The following SUGCT variants were observed in gnomAD, a reference collection of about 807,000 sequenced individuals.
The protein encoded by SUGCT is succinyl-CoA:glutarate CoA-transferase.
A neutral mutation model predicts 55.0 loss-of-function variants in SUGCT; 41 were observed. The ratio of observed to expected loss-of-function variants is 0.74; its 90% CI spans 0.58 to 0.97. SUGCT has a LOEUF of 0.97. Among genes scored for constraint, SUGCT ranks in the 50% least tolerant of loss-of-function variants. SUGCT has a pLI of 0.00. For missense variants in SUGCT, 568 were observed against 547.8 expected (o/e 1.04, Z -0.37); for synonymous variants, 187 against 200.4 (o/e 0.93, Z 0.56).
At chr7:40,567,503 A>G (rs1251059643) in intron 12 of SUGCT, among the ~76,000 whole-genome samples, 1 of 152,146 alleles carries the variant, frequency 6.6e-6, no homozygotes, top group Non-Finnish European at 1.5e-5. Context: ...AGGCCTAGAT[A>G]TTATCTGAAA....
intron 12 of SUGCT, among the ~76,000 whole-genome samples, chr7:40,695,623 A>G (rs1367631911): frequency 2.0e-5 from 3 of 152,218 alleles, no homozygotes; most frequent in African/African-American, 7.2e-5. Context: ...TCATAACTAC[A>G]ATAGCAAATA....
At chr7:40,386,579 G>A (rs1785139727) in intron 9 of SUGCT, among the ~76,000 whole-genome samples, 1 of 152,204 alleles carries the variant, frequency 6.6e-6, no homozygotes. Flanking sequence ...TACGTTGCAG[G>A]ATGTTTTTAG....
At chr7:40,185,109 T>A (rs1320804824) in intron 3 of SUGCT, among the ~76,000 whole-genome samples, 2 of 152,234 alleles carry the variant, frequency 1.3e-5, no homozygotes, top group African/African-American at 4.8e-5. Context: ...ATGCTTTGTT[T>A]ATTCAGCTAA....
chr7:40,376,765 G>T (rs1784568548), intron 9 of SUGCT, among the ~76,000 whole-genome samples: 1 of 147,436 alleles, frequency 6.8e-6, no homozygotes, highest in African/African-American at 2.5e-5. Flanking sequence ...TTTAACAGTT[G>T]CATACTACTC....
intron 9 of SUGCT, among the ~76,000 whole-genome samples, chr7:40,413,043 C>A (rs1218490002): frequency 1.3e-5 from 2 of 152,062 alleles, no homozygotes; most frequent in Non-Finnish European, 2.9e-5. Flanking sequence ...TTATTCCGAT[C>A]TTGTATTTGC....
At chr7:40,958,594 A>C in the SUGCT span, among the ~76,000 whole-genome samples, 6 of 152,038 alleles carry the variant, frequency 3.9e-5, no homozygotes, top group South Asian at 4.2e-4. Flanking sequence ...GCTTCCTTGC[A>C]TTGGGTTAAA....
intron 9 of SUGCT, among the ~76,000 whole-genome samples, chr7:40,337,201 G>T (rs927536459): frequency 6.6e-6 from 1 of 152,218 alleles, no homozygotes; most frequent in Non-Finnish European, 1.5e-5. Context: ...GTGCTATGTG[G>T]TGCTGAGAAG....
At chr7:40,699,000 A>G (rs568954130) in intron 12 of SUGCT, among the ~76,000 whole-genome samples, 1 of 152,204 alleles carries the variant, frequency 6.6e-6, no homozygotes, top group African/African-American at 2.4e-5. Flanking sequence ...TCAATCACAC[A>G]GTCTTTTATG....
chr7:41,020,779 G>A, the SUGCT span, among the ~76,000 whole-genome samples: 1 of 152,164 alleles, frequency 6.6e-6, no homozygotes, highest in Non-Finnish European at 1.5e-5. Context: ...TTCTGGATAA[G>A]TCATAAGACC....
At chr7:40,228,848 A>ATT (rs376224945) in intron 6 of SUGCT, among the ~76,000 whole-genome samples, 25 of 148,514 alleles carry the variant, frequency 1.7e-4, no homozygotes, top group African/African-American at 5.4e-4. Context: ...AGTGATGGCT[A>ATT]TTTTTTTTTT....
chr7:40,631,863 A>G (rs1473351130), intron 12 of SUGCT, among the ~76,000 whole-genome samples: 1 of 152,226 alleles, frequency 6.6e-6, no homozygotes, highest in Non-Finnish European at 1.5e-5. Flanking sequence ...CTTTTCTTCT[A>G]GGAAAATAGA....
the SUGCT span, among the ~76,000 whole-genome samples, chr7:40,884,874 A>G: frequency 6.6e-6 from 1 of 152,252 alleles, no homozygotes; most frequent in African/African-American, 2.4e-5. Flanking sequence ...CTCTGCCCCA[A>G]AGGGAATCTT....
At chr7:40,334,245 T>C (rs1796541264) in intron 9 of SUGCT, among the ~76,000 whole-genome samples, 1 of 152,236 alleles carries the variant, frequency 6.6e-6, no homozygotes, top group Non-Finnish European at 1.5e-5. Context: ...GCATGATTTA[T>C]ATTCCTTTGG....
chr7:41,023,544 CT>C, the SUGCT span, among the ~76,000 whole-genome samples: 1 of 152,126 alleles, frequency 6.6e-6, no homozygotes, highest in Admixed American at 6.5e-5. Flanking sequence ...AATCCTGAAT[CT>C]TTGTACATCC....
chr7:40,861,450 G>A (rs1207238907), downstream of SUGCT, among the ~76,000 whole-genome samples: 8 of 152,114 alleles, frequency 5.3e-5, no homozygotes, highest in Admixed American at 1.3e-4. Flanking sequence ...TGATTAGGAC[G>A]TATGTTCCAG....
chr7:40,294,524 C>T (rs923264380), intron 8 of SUGCT, among the ~76,000 whole-genome samples: 11 of 152,068 alleles, frequency 7.2e-5, no homozygotes, highest in Non-Finnish European at 1.3e-4. Flanking sequence ...TATTCACTTC[C>T]CATAGATGCG....
intron 12 of SUGCT, among the ~76,000 whole-genome samples, chr7:40,682,969 T>A (rs1220547700): frequency 1.3e-5 from 2 of 152,226 alleles, no homozygotes; most frequent in Non-Finnish European, 2.9e-5. Flanking sequence ...TTGTTGCTGT[T>A]CTTTCACAAC....
chr7:41,010,053 G>A, the SUGCT span, among the ~76,000 whole-genome samples: 11 of 152,338 alleles, frequency 7.2e-5, no homozygotes, highest in East Asian at 1.9e-4. Flanking sequence ...AATTCAGAGA[G>A]ATGGAGAGTT....
intron 12 of SUGCT, among the ~76,000 whole-genome samples, chr7:40,605,439 G>A (rs1221160713): frequency 6.6e-6 from 1 of 152,170 alleles, no homozygotes; most frequent in Admixed American, 6.5e-5. Flanking sequence ...TGGCATATTT[G>A]TGTGGCTTTC....
Sources: allele counts gnomAD v4.1 joint callset (sites outside exome capture counted in the v4.1 genomes callset), GRCh38; gene constraint gnomAD v4.1.1; transcripts MANE v1.5; gene names NCBI Gene and HGNC (gene_info 2026-07-23, HGNC 2026-07-21).